Variants in FAT3 observed in about 807,000 individuals in gnomAD.
FAT3 encodes FAT atypical cadherin 3, also known as protocadherin Fat 3.
FAT3 carries 95 observed loss-of-function variants against 310.2 expected under a neutral mutation model. The observed-to-expected ratio is 0.31, with a 90% CI of 0.26 to 0.36. The LOEUF (loss-of-function observed/expected upper bound fraction) is 0.36. Among genes scored for constraint, FAT3 ranks in the 10% least tolerant of loss-of-function variants. FAT3 has a pLI of 1.00. For missense variants in FAT3, 5,408 were observed against 5,715.6 expected (o/e 0.95, Z 1.74); for synonymous variants, 2,314 against 2,192.9 (o/e 1.06, Z -1.54).
intron 1 of FAT3, among the ~76,000 whole-genome samples, chr11:92,250,664 GA>G (rs1321946157): frequency 6.6e-6 from 1 of 152,138 alleles, no homozygotes; most frequent in African/African-American, 2.4e-5. Flanking sequence ...TAATAGAGCT[GA>G]CTTCTGAAGA....
At chr11:92,726,136 A>C (rs1463436219) in intron 4 of FAT3, among the ~76,000 whole-genome samples, 2 of 152,180 alleles carry the variant, frequency 1.3e-5, no homozygotes, top group African/African-American at 4.8e-5. Context: ...ATACCAATAA[A>C]ACATACAAAA....
intron 2 of FAT3, among the ~76,000 whole-genome samples, chr11:92,489,476 G>T (rs1036726576): frequency 6.6e-6 from 1 of 152,018 alleles, no homozygotes; most frequent in African/African-American, 2.4e-5. Flanking sequence ...GAGTCTGTTA[G>T]GTTGGTCCTT....
At chr11:92,601,298 C>T (rs1940012476) in intron 3 of FAT3, among the ~76,000 whole-genome samples, 1 of 151,974 alleles carries the variant, frequency 6.6e-6, no homozygotes, top group Non-Finnish European at 1.5e-5. Flanking sequence ...AGTGACTCAC[C>T]CCTGTAATCC....
At chr11:92,473,717 G>A (rs565440800) in intron 2 of FAT3, among the ~76,000 whole-genome samples, 7 of 152,296 alleles carry the variant, frequency 4.6e-5, no homozygotes, top group Admixed American at 1.3e-4. Flanking sequence ...ACCATGTACA[G>A]AAGAGGACTT....
chr11:92,593,596 G>A (rs1027196178), intron 3 of FAT3, among the ~76,000 whole-genome samples: 1 of 151,926 alleles, frequency 6.6e-6, no homozygotes, highest in South Asian at 2.1e-4. Context: ...ATTATCCATG[G>A]CATCAACTAA....
At chr11:92,241,687 G>A (rs1267121561) in intron 1 of FAT3, among the ~76,000 whole-genome samples, 1 of 151,980 alleles carries the variant, frequency 6.6e-6, no homozygotes, top group Admixed American at 6.6e-5. Flanking sequence ...AATACAGAAT[G>A]TTGCTGGTGT....
At chr11:92,747,877 C>T (rs1424428891) in intron 4 of FAT3, among the ~76,000 whole-genome samples, 2 of 152,210 alleles carry the variant, frequency 1.3e-5, no homozygotes, top group Non-Finnish European at 2.9e-5. Flanking sequence ...TCCATATCGC[C>T]ATCAGCATTT....
intron 1 of FAT3, among the ~76,000 whole-genome samples, chr11:92,326,909 T>C (rs565666873): frequency 2.0e-5 from 3 of 152,330 alleles, no homozygotes; most frequent in Non-Finnish European, 4.4e-5. Context: ...TGAAGCTTTC[T>C]GGAGTCAGCA....
rs577385157 is a variant in FAT3 at position 92,430,731 on chromosome 11, A to G, written c.3292+75327A>G. ...TGTGTCCATGTTTTCTCATTGTTCAATTCCCACCTATGAGTGAGAACATGC... is the reference window on the plus strand; with the variant it reads ...TGTGTCCATGTTTTCTCATTGTTCAGTTCCCACCTATGAGTGAGAACATGC... On this transcript the variant is annotated intron_variant, in intron 2 of 27. Transcript: ENST00000525166. 6.7e-5 allele frequency among the ~76,000 whole-genome samples: 10 copies of G among 150,052 alleles called. No individual in the cohort carries two copies. The East Asian group carries it at 2.0e-3, about 30-fold the overall frequency.
chr11:92,309,721 A>G (rs896970408), intron 1 of FAT3, among the ~76,000 whole-genome samples: 2 of 152,124 alleles, frequency 1.3e-5, no homozygotes, highest in Non-Finnish European at 2.9e-5. Context: ...GTTTTGATGC[A>G]CAGTTCTTTG....
At chr11:92,479,973 A>G (rs1320844394) in intron 2 of FAT3, among the ~76,000 whole-genome samples, 3 of 152,140 alleles carry the variant, frequency 2.0e-5, no homozygotes, top group African/African-American at 4.8e-5. Context: ...AAGCAATTAA[A>G]ACAGTGCCAA....
intron 7 of FAT3, among the ~76,000 whole-genome samples, chr11:92,786,540 A>G (rs934891918): frequency 2.0e-5 from 3 of 152,128 alleles, no homozygotes; most frequent in Admixed American, 6.6e-5. Context: ...GTAAATGAAA[A>G]CTATACCGAA....
At chr11:92,281,662 A>G (rs544384064) in intron 1 of FAT3, among the ~76,000 whole-genome samples, 1 of 152,280 alleles carries the variant, frequency 6.6e-6, no homozygotes, top group East Asian at 1.9e-4. Flanking sequence ...CCAGATGGTG[A>G]GTGCTCAATC....
intron 2 of FAT3, among the ~76,000 whole-genome samples, chr11:92,413,505 C>T (rs1353041762): frequency 1.3e-5 from 2 of 152,096 alleles, no homozygotes; most frequent in African/African-American, 4.8e-5. Flanking sequence ...CCAACTACAC[C>T]TCTGTGTTCT....
intron 3 of FAT3, among the ~76,000 whole-genome samples, chr11:92,654,490 A>G (rs1942504543): frequency 6.6e-6 from 1 of 152,208 alleles, no homozygotes; most frequent in Non-Finnish European, 1.5e-5. Flanking sequence ...CATCTCCATA[A>G]ATGGTGCTAC....
chr11:92,359,512 G>T (rs986812697), intron 2 of FAT3, among the ~76,000 whole-genome samples: 1 of 151,254 alleles, frequency 6.6e-6, no homozygotes, highest in Admixed American at 6.6e-5. Context: ...AAGTTTTAGG[G>T]TACATGTGCA....
chr11:92,595,094 C>A (rs1017997357), intron 3 of FAT3, among the ~76,000 whole-genome samples: 14 of 151,630 alleles, frequency 9.2e-5, no homozygotes, highest in Non-Finnish European at 5.9e-5. Flanking sequence ...CATGTGCATG[C>A]CTTATTTTTC....
At chr11:92,351,727 A>G (rs1948573283) in intron 1 of FAT3, among the ~76,000 whole-genome samples, 1 of 152,130 alleles carries the variant, frequency 6.6e-6, no homozygotes, top group Non-Finnish European at 1.5e-5. Context: ...TCTATAGGAT[A>G]ATTACTGCAA....
intron 1 of FAT3, among the ~76,000 whole-genome samples, chr11:92,287,531 T>C (rs1332883277): frequency 6.6e-6 from 1 of 152,158 alleles, no homozygotes; most frequent in Admixed American, 6.6e-5. Flanking sequence ...GGGTTTCCCA[T>C]CTTGCTGTTT....
Sources: allele counts gnomAD v4.1 joint callset (sites outside exome capture counted in the v4.1 genomes callset), GRCh38; gene constraint gnomAD v4.1.1; transcripts MANE v1.5; gene names NCBI Gene and HGNC (gene_info 2026-07-23, HGNC 2026-07-21).